LRMDA: variants seen among roughly 807,000 people sequenced by gnomAD.
LRMDA encodes leucine rich melanocyte differentiation associated.
A neutral mutation model predicts 29.8 loss-of-function variants in LRMDA; 18 were observed. The ratio of observed to expected loss-of-function variants is 0.60; its 90% CI spans 0.42 to 0.90. LRMDA has a LOEUF of 0.90. LRMDA is among the 40% of genes least tolerant of loss of function. LRMDA has a pLI of 0.00. For missense variants in LRMDA, 273 were observed against 273.9 expected (o/e 1.00, Z 0.02); for synonymous variants, 125 against 109.4 (o/e 1.14, Z -0.89).
intron 2 of LRMDA, among the ~76,000 whole-genome samples, chr10:75,585,459 T>G (rs1840645106): frequency 6.6e-6 from 1 of 152,222 alleles, no homozygotes; most frequent in East Asian, 1.9e-4. Flanking sequence ...CATTCTTGTC[T>G]GTCTTTTGGT....
intron 5 of LRMDA, among the ~76,000 whole-genome samples, chr10:76,131,425 T>C (rs1445864874): frequency 6.6e-6 from 1 of 152,144 alleles, no homozygotes; most frequent in Non-Finnish European, 1.5e-5. Flanking sequence ...CCATTTCTAG[T>C]GTGAGGTATA....
intron 5 of LRMDA, among the ~76,000 whole-genome samples, chr10:76,164,847 C>T (rs937744916): frequency 1.4e-4 from 22 of 151,984 alleles, no homozygotes; most frequent in Non-Finnish European, 2.6e-4. Flanking sequence ...CCACTCAGAC[C>T]TTGTTTGGCT....
intron 2 of LRMDA, among the ~76,000 whole-genome samples, chr10:75,965,008 C>T (rs566410073): frequency 1.8e-4 from 27 of 152,270 alleles, no homozygotes; most frequent in Middle Eastern, 3.4e-3. Flanking sequence ...TCAAGTGATC[C>T]ACTCAACTCG....
chr10:75,639,849 G>A (rs775708004), intron 2 of LRMDA, among the ~76,000 whole-genome samples: 3 of 152,218 alleles, frequency 2.0e-5, no homozygotes, highest in Non-Finnish European at 2.9e-5. Flanking sequence ...GCTGCGCTCG[G>A]AGAGCGGACA....
intron 2 of LRMDA, among the ~76,000 whole-genome samples, chr10:76,001,618 TTTA>T (rs916717026): frequency 1.3e-5 from 2 of 151,828 alleles, no homozygotes; most frequent in African/African-American, 2.4e-5. Context: ...ATTTATTTAA[TTTA>T]TTATTTTCAT....
rs540781321 is a variant in LRMDA at position 76,058,676 on chromosome 10, C to T, written c.409C>T (p.Leu137=). The change falls in exon 5 of 7, where the codon CTG becomes TTG. Residue 137 remains leucine (L), a synonymous_variant. Coordinates refer to ENST00000611255, the MANE Select transcript of LRMDA (RefSeq NM_001305581.2). ...ACTCTTATCTTCCAGATGCTTTGTT[C>T]TGTACAAGCTGCCCAACTTGAAATT... The part of the protein sequence containing the change: ...EDYKRYRCFV[L]YKLPNLKFLD... The T allele has an allele frequency of 6.2e-7, 1 of 1,613,462 alleles. No homozygotes were observed. The highest frequency in any genetic ancestry group is 8.5e-7 in the Non-Finnish European group (1 of 1,179,410).
At chr10:75,579,593 C>T (rs1257766027) in intron 2 of LRMDA, among the ~76,000 whole-genome samples, 2 of 152,178 alleles carry the variant, frequency 1.3e-5, no homozygotes, top group African/African-American at 4.8e-5. Flanking sequence ...CATCCTCATA[C>T]CAAAACCTGG....
At chr10:75,597,827 C>T (rs770616976) in intron 2 of LRMDA, among the ~76,000 whole-genome samples, 19 of 152,056 alleles carry the variant, frequency 1.2e-4, no homozygotes, top group Non-Finnish European at 1.9e-4. Context: ...TGGGCCTGGG[C>T]GCTTTTATGT....
chr10:76,102,863 G>C (rs1402861343), intron 5 of LRMDA, among the ~76,000 whole-genome samples: 2 of 152,010 alleles, frequency 1.3e-5, no homozygotes, highest in African/African-American at 4.8e-5. Context: ...TGTTGCCCAG[G>C]CTGGCCTTTA....
At chr10:75,992,353 C>T (rs1424756832) in intron 2 of LRMDA, among the ~76,000 whole-genome samples, 1 of 152,056 alleles carries the variant, frequency 6.6e-6, no homozygotes, top group Non-Finnish European at 1.5e-5. Context: ...AGTGGGTGGT[C>T]GATGCTCCTG....
intron 5 of LRMDA, among the ~76,000 whole-genome samples, chr10:76,122,923 G>A (rs1047238119): frequency 6.6e-5 from 10 of 152,144 alleles, no homozygotes; most frequent in African/African-American, 2.2e-4. Context: ...CTTCAGGGCA[G>A]GGATGAAGGT....
At chr10:75,995,483 G>A (rs1304880331) in intron 2 of LRMDA, among the ~76,000 whole-genome samples, 1 of 152,192 alleles carries the variant, frequency 6.6e-6, no homozygotes, top group Non-Finnish European at 1.5e-5. Flanking sequence ...ACCCCTAGGT[G>A]GGAAACTGGG....
chr10:75,791,150 G>C (rs1026045481), intron 2 of LRMDA, among the ~76,000 whole-genome samples: 1 of 152,110 alleles, frequency 6.6e-6, no homozygotes, highest in Non-Finnish European at 1.5e-5. Context: ...ACAGCTAATT[G>C]TTCTAATTAT....
intron 6 of LRMDA, among the ~76,000 whole-genome samples, chr10:76,410,298 C>CTTTTTTTTTTTTTTTTTTTTT (rs1172213249): frequency 1.5e-5 from 1 of 66,544 alleles, no homozygotes; most frequent in Non-Finnish European, 2.8e-5. Flanking sequence ...CACTTTCTTT[C>CTTTTTTTTTTTTTTTTTTTTT]TTTTTTTTTT....
intron 2 of LRMDA, among the ~76,000 whole-genome samples, chr10:75,824,503 C>G (rs1048054815): frequency 1.3e-5 from 2 of 152,150 alleles, no homozygotes; most frequent in Admixed American, 6.5e-5. Context: ...AAGAAGGTTG[C>G]TGAACTCTGA....
chr10:76,374,705 A>C (rs1351171777), intron 6 of LRMDA, among the ~76,000 whole-genome samples: 1 of 152,200 alleles, frequency 6.6e-6, no homozygotes, highest in Non-Finnish European at 1.5e-5. Flanking sequence ...CACAGGTTGC[A>C]GTTAAAGTGC....
intron 6 of LRMDA, among the ~76,000 whole-genome samples, chr10:76,503,882 CTT>C (rs1170664006): frequency 1.5e-5 from 2 of 133,572 alleles, no homozygotes; most frequent in Non-Finnish European, 1.6e-5. Context: ...GGGGTTGGTT[CTT>C]TTTTTTTTTT....
intron 2 of LRMDA, among the ~76,000 whole-genome samples, chr10:75,892,236 A>G (rs1279078229): frequency 1.3e-5 from 2 of 152,212 alleles, no homozygotes; most frequent in Non-Finnish European, 2.9e-5. Context: ...GGAAGAAAAT[A>G]TGTTATTAAC....
chr10:75,511,499 A>G (rs1279375738), intron 2 of LRMDA, among the ~76,000 whole-genome samples: 1 of 152,100 alleles, frequency 6.6e-6, no homozygotes, highest in Non-Finnish European at 1.5e-5. Flanking sequence ...TCTTACTGGG[A>G]GTGCACCTGT....
Sources: allele counts gnomAD v4.1 joint callset (sites outside exome capture counted in the v4.1 genomes callset), GRCh38; gene constraint gnomAD v4.1.1; transcripts MANE v1.5; gene names NCBI Gene and HGNC (gene_info 2026-07-23, HGNC 2026-07-21).